PPFIBP2: variants seen among roughly 807,000 people sequenced by gnomAD.
PPFIBP2 encodes the protein PPFIB scaffold protein 2.
In PPFIBP2, 118 loss-of-function variants were observed where a neutral mutation model predicts 118.3. That is an observed-to-expected ratio of 1.00 (90% CI 0.86 to 1.16). The LOEUF is 1.16. Among genes scored for constraint, PPFIBP2 ranks in the 50% most tolerant of loss-of-function variants. The probability of loss-of-function intolerance (pLI) is 0.00; values close to 1 mark genes in which losing one functional copy is unlikely to be tolerated. For missense variants in PPFIBP2, 1,195 were observed against 1,073.1 expected, an observed-to-expected ratio of 1.11 and a Z score of -1.59; for synonymous variants, 414 against 397.4, an observed-to-expected ratio of 1.04 and a Z score of -0.50.
intron 1 of PPFIBP2, among the ~76,000 whole-genome samples, chr11:7,522,270 G>A (rs988614294): frequency 7.2e-5 from 11 of 152,234 alleles, no homozygotes; most frequent in Non-Finnish European, 1.2e-4. Context: ...AGAGAAAAGC[G>A]TCAAACTGGA....
At chr11:7,575,272 T>C (rs888643456) in intron 3 of PPFIBP2, among the ~76,000 whole-genome samples, 1 of 152,224 alleles carries the variant, frequency 6.6e-6, no homozygotes, top group Non-Finnish European at 1.5e-5. Context: ...GACACACTTC[T>C]GACAGTCTGG....
At chr11:7,535,092 A>G (rs1851078629) in intron 1 of PPFIBP2, among the ~76,000 whole-genome samples, 2 of 152,280 alleles carry the variant, frequency 1.3e-5, no homozygotes, top group South Asian at 2.1e-4. Context: ...ACCATCAGAT[A>G]CTGAGCTGTT....
chr11:7,541,293 G>T (rs1851749419), intron 1 of PPFIBP2, among the ~76,000 whole-genome samples: 1 of 152,230 alleles, frequency 6.6e-6, no homozygotes, highest in African/African-American at 2.4e-5. Flanking sequence ...CTTCAGTGCA[G>T]AGTGAATGGG....
intron 1 of PPFIBP2, among the ~76,000 whole-genome samples, chr11:7,524,618 G>A (rs943571559): frequency 6.6e-5 from 10 of 152,196 alleles, no homozygotes; most frequent in Non-Finnish European, 1.5e-5. Flanking sequence ...ACTTTTGAAA[G>A]TGAAAGTAGG....
chr11:7,620,834 A>T, intron 6 of PPFIBP2, 101 bp from the exon 7 acceptor site: 3 of 791,316 alleles, frequency 3.8e-6, no homozygotes, highest in Non-Finnish European at 6.7e-6. Flanking sequence ...GTGGAGCTTG[A>T]TGTGGTTGCT....
chr11:7,557,290 C>A (rs1853742973), intron 2 of PPFIBP2, among the ~76,000 whole-genome samples: 1 of 150,742 alleles, frequency 6.6e-6, no homozygotes, highest in African/African-American at 2.4e-5. Context: ...ATCATGCTTT[C>A]CTTTTCTTTA....
At chr11:7,632,504 A>G (rs143770117) in intron 11 of PPFIBP2, 56 of 165,682 alleles carry the variant, frequency 3.4e-4, no homozygotes, top group Non-Finnish European at 5.7e-4. Context: ...GCCAAAAAGA[A>G]TGTTTTTAAA....
chr11:7,588,567 G>T (rs911689918), intron 3 of PPFIBP2, among the ~76,000 whole-genome samples: 3 of 152,194 alleles, frequency 2.0e-5, no homozygotes, highest in Non-Finnish European at 4.4e-5. Context: ...AGGATAACCT[G>T]TAAGAATCAA....
At chr11:7,647,313 A>AT (rs1853243893) in intron 17 of PPFIBP2, among the ~76,000 whole-genome samples, 2 of 152,116 alleles carry the variant, frequency 1.3e-5, no homozygotes, top group African/African-American at 4.8e-5. Context: ...CTCTATTGGG[A>AT]TTTTTAGTGT....
At chr11:7,535,214 A>G (rs1441966675) in intron 1 of PPFIBP2, among the ~76,000 whole-genome samples, 3 of 152,244 alleles carry the variant, frequency 2.0e-5, no homozygotes, top group Non-Finnish European at 4.4e-5. Context: ...TGTCTCAGCC[A>G]AGATTCATTT....
chr11:7,618,895 T>G (rs1211424887), intron 6 of PPFIBP2, among the ~76,000 whole-genome samples: 5 of 151,412 alleles, frequency 3.3e-5, no homozygotes, highest in Admixed American at 6.6e-5. Flanking sequence ...GTTTTTTTTT[T>G]TTTTTTTTTG....
At chr11:7,591,925 CT>C (rs1479525717) in intron 3 of PPFIBP2, among the ~76,000 whole-genome samples, 1 of 152,026 alleles carries the variant, frequency 6.6e-6, no homozygotes, top group Non-Finnish European at 1.5e-5. Context: ...AAGGAGGTGC[CT>C]TTTCTCATGG....
At chr11:7,545,093 C>G (rs1462324041) in intron 1 of PPFIBP2, among the ~76,000 whole-genome samples, 1 of 152,140 alleles carries the variant, frequency 6.6e-6, no homozygotes, top group Non-Finnish European at 1.5e-5. Flanking sequence ...GTTTTGCTTT[C>G]CTGGGATTCA....
chr11:7,549,649 TTA>T, intron 2 of PPFIBP2, 110 bp downstream of exon 2: 1 of 1,141,120 alleles, frequency 8.8e-7, no homozygotes, highest in East Asian at 2.7e-5. Flanking sequence ...TCCCCTTTTG[TTA>T]TATTTATTTT....
intron 5 of PPFIBP2, among the ~76,000 whole-genome samples, chr11:7,607,818 T>A (rs1002274061): frequency 2.0e-5 from 3 of 152,248 alleles, no homozygotes; most frequent in African/African-American, 7.2e-5. Flanking sequence ...TTCTACTAAC[T>A]CTGACTTTAA....
rs183575450 is a variant in PPFIBP2 at position 7,522,172 on chromosome 11, G to A, written c.-37+8051G>A. Among the ~76,000 whole-genome samples, 306 of 152,288 alleles carry A rather than the reference G, an allele frequency of 2.0e-3. 2 individuals carry two copies. Among genetic ancestry groups the A allele is most frequent in the African/African-American group, 7.1e-3 (294 of 41,546 alleles). On this transcript the variant is annotated intron_variant, in intron 1 of 23. Transcript: ENST00000299492. ...AGCTCAGGACCTAAATCAAGGCAATGGCAGTAGGAATAGAGAGAAGGGAGC... is the reference window on the plus strand; with the variant it reads ...AGCTCAGGACCTAAATCAAGGCAATAGCAGTAGGAATAGAGAGAAGGGAGC...
intron 5 of PPFIBP2, among the ~76,000 whole-genome samples, chr11:7,599,465 C>G (rs1054028132): frequency 6.6e-6 from 1 of 152,164 alleles, no homozygotes; most frequent in African/African-American, 2.4e-5. Context: ...TGAGCCTTCT[C>G]TACATAGCTC....
rs1849930959 is a variant in PPFIBP2 at position 7,625,841 on chromosome 11, G to A, written c.776G>A (p.Ser259Asn). 6 of 1,614,240 alleles carry A rather than the reference G, an allele frequency of 3.7e-6. No individual in the cohort carries two copies. Among genetic ancestry groups the A allele is most frequent in the Non-Finnish European group, 5.1e-6 (6 of 1,180,030 alleles). Reference protein sequence around the residue: ...LKDAEIERLHSQLSRTAALHS... With the variant: ...LKDAEIERLHNQLSRTAALHS... ...GATGCAGAAATTGAGCGTCTGCACA[G>A]CCAGCTCTCCCGGACAGCAGCTCTC... The change falls in exon 8 of 24, where the codon AGC becomes AAC. Residue 259 changes from serine to asparagine, a missense_variant. Physicochemically the swap from Ser to Asn is conservative, Grantham distance 46. Coordinates refer to ENST00000299492, the MANE Select transcript of PPFIBP2 (RefSeq NM_003621.5).
chr11:7,565,898 CA>C, intron 3 of PPFIBP2, 131 bp downstream of exon 3: 1 of 1,012,764 alleles, frequency 9.9e-7, no homozygotes, highest in Non-Finnish European at 1.4e-6. Flanking sequence ...CCACTTTGGC[CA>C]ACGCTGCAGG....
Sources: gnomAD v4.1 joint callset for allele counts (sites outside exome capture counted in the v4.1 genomes callset) on GRCh38, gnomAD v4.1.1 for gene constraint, MANE v1.5 for transcripts, NCBI Gene and HGNC (gene_info 2026-07-23, HGNC 2026-07-21) for gene names.